Variants in NFKB1 observed in about 807,000 individuals in gnomAD.
NFKB1 encodes the protein nuclear factor NF-kappa-B p105 subunit.
In NFKB1, 9 loss-of-function variants were observed where a neutral mutation model predicts 105.1. That is an observed-to-expected ratio of 0.09 (90% CI 0.05 to 0.15). The LOEUF (loss-of-function observed/expected upper bound fraction) is 0.15, where lower values mean the gene tolerates loss of function less well. NFKB1 is among the 10% of genes least tolerant of loss of function. NFKB1 has a pLI of 1.00. For synonymous variants in NFKB1, 440 were observed against 442.2 expected (o/e 1.00, Z 0.06); for missense variants, 830 against 1,203.7 (o/e 0.69, Z 4.59).
chr4:102,613,678 C>G lies in NFKB1; in HGVS notation c.2749+97C>G, dbSNP rs941274357. ...GATATGGTGTGGCAGTTTTCTTTCT[C>G]GTTTTCTGGATACACTTCCCTGTGT... On this transcript the variant is annotated intron_variant, in intron 23 of 23. Coordinates refer to ENST00000226574, the MANE Select transcript of NFKB1 (RefSeq NM_003998.4). 8 of 1,374,930 alleles carry G rather than the reference C, an allele frequency of 5.8e-6. 1 individual carries two copies. Among genetic ancestry groups the G allele is most frequent in the Middle Eastern group, 5.1e-4 (2 of 3,906 alleles). The allele number at this position is 1,374,930 out of a possible 1,614,324, so 85.2% of individuals were successfully genotyped here. A position where few individuals can be genotyped will look rare whatever the true frequency, so the allele number is the denominator to read the frequency against.
chr4:102,516,824 T>C (rs2149104244), intron 1 of NFKB1, among the ~76,000 whole-genome samples: 1 of 152,326 alleles, frequency 6.6e-6, no homozygotes, highest in South Asian at 2.1e-4. Flanking sequence ...TAACAGGCAG[T>C]GAATTTACTG....
intron 9 of NFKB1, among the ~76,000 whole-genome samples, chr4:102,581,655 A>G (rs1245712062): frequency 1.3e-5 from 2 of 151,284 alleles, no homozygotes; most frequent in Middle Eastern, 3.4e-3. Context: ...CCCTGTCTCA[A>G]AAAAAAGAAG....
chr4:102,522,025 A>G (rs879318976), intron 1 of NFKB1, among the ~76,000 whole-genome samples: 6 of 152,192 alleles, frequency 3.9e-5, no homozygotes, highest in Non-Finnish European at 5.9e-5. Context: ...CTGGAAATTT[A>G]CTATCGCCCT....
Position 102,612,475 on chromosome 4 carries a change from T to A in NFKB1, c.2461T>A (p.Tyr821Asn). 6 of 1,613,780 alleles carry A rather than the reference T, an allele frequency of 3.7e-6. No homozygotes were observed. Among genetic ancestry groups the A allele is most frequent in the Non-Finnish European group, 5.1e-6 (6 of 1,180,024 alleles). ...GGCTGAAGATGTGAAGCTGCAGCTG[T>A]ATAAGTTACTAGAAATTCCTGATCC... is the stretch of plus-strand genomic sequence containing the variant. ...QLAEDVKLQL[Y>N]KLLEIPDPDK... Residue 821 changes from tyrosine (Y) to asparagine (N), a missense_variant, in exon 22 of 24, where the codon TAT becomes AAT. Around this residue, in one of 8 missense-constraint regions of NFKB1, gnomAD observed 418 missense variants for 575.3 expected, o/e 0.73. Transcript: ENST00000226574.
intron 3 of NFKB1, among the ~76,000 whole-genome samples, chr4:102,531,270 A>G (rs557682488): frequency 6.6e-6 from 1 of 152,342 alleles, no homozygotes; most frequent in South Asian, 2.1e-4. Flanking sequence ...TTTATGTTGT[A>G]GAAATTATTT....
chr4:102,594,939 T>C lies in NFKB1; in HGVS notation c.1258T>C (p.Phe420Leu). 1 of 1,611,946 alleles carries C rather than the reference T, an allele frequency of 6.2e-7. No individual in the cohort carries two copies. Residue 420 changes from phenylalanine (F) to leucine (L), a missense_variant, in exon 13 of 24, where the codon TTC becomes CTC. Transcript: ENST00000226574. ...ATTTCCTACTTATGGTGGGATTACT[T>C]TCCATCCTGGAACTACTAAATCTAA... ...YGFPTYGGIT[F>L]HPGTTKSNAG...
intron 6 of NFKB1, among the ~76,000 whole-genome samples, chr4:102,574,555 T>C (rs571934716): frequency 2.0e-5 from 3 of 152,176 alleles, no homozygotes; most frequent in Non-Finnish European, 4.4e-5. Flanking sequence ...TATTTAACTG[T>C]GTCTCCTCAA....
At chr4:102,599,494 A>C (rs1726946803) in intron 15 of NFKB1, among the ~76,000 whole-genome samples, 1 of 152,238 alleles carries the variant, frequency 6.6e-6, no homozygotes, top group African/African-American at 2.4e-5. Flanking sequence ...TCCCAGATGT[A>C]GTGCTGCTGC....
rs537795901 is a variant in NFKB1, at chr4:102,550,536, C to T, written c.258+12580C>T. Reference sequence around the variant, plus strand: ...TGGATTTGAGATATGAAATGTGTATCTCATATCCCATATTTCTTCAGTAAC... The same window carrying T: ...TGGATTTGAGATATGAAATGTGTATTTCATATCCCATATTTCTTCAGTAAC... On this transcript the variant is annotated intron_variant, in intron 5 of 23. Transcript: ENST00000226574. Among the ~76,000 whole-genome samples the T allele has an allele frequency of 2.0e-5, 3 of 152,252 alleles. No individual in the cohort carries two copies. The South Asian group carries it at 6.2e-4, about 32-fold the overall frequency.
chr4:102,517,505 A>G (rs1222590587), intron 1 of NFKB1, among the ~76,000 whole-genome samples: 2 of 152,220 alleles, frequency 1.3e-5, no homozygotes, highest in East Asian at 1.9e-4. Context: ...CAATTTGCCA[A>G]TACAAAAAAG....
Position 102,576,445 on chromosome 4 carries a change from A to G in NFKB1, c.408-431A>G, listed in dbSNP as rs555517735. 1.6e-4 allele frequency among the ~76,000 whole-genome samples: 24 copies of G among 152,332 alleles called. No homozygotes were observed. The South Asian group carries it at 4.6e-3, about 29-fold the overall frequency. On this transcript the variant is annotated intron_variant, in intron 6 of 23. Transcript: ENST00000226574. The stretch of plus-strand genomic sequence containing the variant: ...TCCTCATTAAGACATATAGACACAT[A>G]TGCTCCCACTCCCGTAATCAAATTT...
intron 6 of NFKB1, among the ~76,000 whole-genome samples, chr4:102,568,847 G>A (rs953611281): frequency 2.6e-5 from 4 of 152,106 alleles, no homozygotes; most frequent in African/African-American, 7.2e-5. Flanking sequence ...GTAGTTGGGA[G>A]AACTCATCAG....
chr4:102,566,400 A>T (rs1723871997), intron 5 of NFKB1, among the ~76,000 whole-genome samples: 1 of 152,202 alleles, frequency 6.6e-6, no homozygotes, highest in African/African-American at 2.4e-5. Context: ...GAAGTCAGAG[A>T]GGGCTACTGA....
chr4:102,531,608 G>A (rs1017963876), intron 3 of NFKB1, among the ~76,000 whole-genome samples: 2 of 152,136 alleles, frequency 1.3e-5, no homozygotes, highest in African/African-American at 4.8e-5. Context: ...AAATTTCTCT[G>A]CACAGTGGAA....
intron 16 of NFKB1, among the ~76,000 whole-genome samples, chr4:102,603,191 G>A (rs1727357763): frequency 6.6e-6 from 1 of 151,964 alleles, no homozygotes; most frequent in Non-Finnish European, 1.5e-5. Context: ...TTCTGCCTCA[G>A]CCTCCTGAGT....
At chr4:102,511,598 C>T (rs914833504) in intron 1 of NFKB1, among the ~76,000 whole-genome samples, 12 of 152,056 alleles carry the variant, frequency 7.9e-5, no homozygotes, top group African/African-American at 2.9e-4. Flanking sequence ...TTCACTTGAG[C>T]CTGGGAGGTT....
At chr4:102,509,891 G>A (rs926280072) in intron 1 of NFKB1, among the ~76,000 whole-genome samples, 6 of 152,142 alleles carry the variant, frequency 3.9e-5, no homozygotes, top group African/African-American at 1.4e-4. Flanking sequence ...GCTTTCTAAA[G>A]TGTAAATCGG....
At chr4:102,551,952 C>T (rs1238007856) in intron 5 of NFKB1, among the ~76,000 whole-genome samples, 1 of 152,092 alleles carries the variant, frequency 6.6e-6, no homozygotes. Flanking sequence ...TTAGCAGCAA[C>T]GCATGCAAAG....
chr4:102,588,078 A>G lies in NFKB1; in HGVS notation c.1066+3258A>G, dbSNP rs529846425. Among the ~76,000 whole-genome samples, 6 of 152,184 alleles carry G rather than the reference A, an allele frequency of 3.9e-5. No homozygotes were observed. The South Asian group carries it at 1.2e-3, about 32-fold the overall frequency. ...GTCTTATCTATTTATTTATGGGTCT[A>G]TTGTCTTCCTACCACCCCGAGTACA... On this transcript the variant is annotated intron_variant, in intron 11 of 23. Coordinates refer to ENST00000226574, the MANE Select transcript of NFKB1 (RefSeq NM_003998.4).
Sources: allele counts gnomAD v4.1 joint callset (sites outside exome capture counted in the v4.1 genomes callset), GRCh38; gene constraint gnomAD v4.1.1; regional missense constraint gnomAD v4.1.1; transcripts MANE v1.5; gene names NCBI Gene and HGNC (gene_info 2026-07-23, HGNC 2026-07-21).